Variants in USP4 observed in about 807,000 individuals in gnomAD.
USP4 encodes the protein ubiquitin carboxyl-terminal hydrolase 4.
Under a neutral mutation model 118.2 loss-of-function variants are expected in USP4, and 72 were observed. That is an observed-to-expected ratio of 0.61 (90% confidence interval 0.50 to 0.74). The LOEUF (loss-of-function observed/expected upper bound fraction) is 0.74, where lower values mean the gene tolerates loss of function less well. USP4 is among the 30% of genes least tolerant of loss of function. The pLI is 0.00. For synonymous variants in USP4, 415 were observed against 440.4 expected (o/e 0.94, Z 0.72); for missense variants, 1,037 against 1,185.7 (o/e 0.87, Z 1.84).
intron 20 of USP4, among the ~76,000 whole-genome samples, chr3:49,280,429 C>T (rs867591023): frequency 2.6e-5 from 4 of 151,764 alleles, no homozygotes; most frequent in Admixed American, 6.6e-5. Context: ...GGCGTGGTGG[C>T]GGGCGCCTGT....
At chr3:49,322,238 A>G (rs191966561) in intron 6 of USP4, among the ~76,000 whole-genome samples, 2 of 152,228 alleles carry the variant, frequency 1.3e-5, no homozygotes, top group East Asian at 3.9e-4. Flanking sequence ...CTCTGTGTCT[A>G]CCTTCTCTCA....
In USP4 at chr3:49,327,724, A is replaced by C. The variant is rs2047571878; in HGVS notation, c.322T>G (p.Tyr108Asp). 1 of 1,614,140 alleles carries C rather than the reference A, an allele frequency of 6.2e-7. No individual in the cohort carries two copies. Among genetic ancestry groups the C allele is most frequent in the Non-Finnish European group, 8.5e-7 (1 of 1,180,004 alleles). ...GGTTGCTGGCCTTCTACACAGCCGT[A>C]CCAGTTTAGTAGTTTATTCCACGCC... ...TEAWNKLLNW[Y>D]GCVEGQQPIV... Residue 108 changes from tyrosine (Y) to aspartate (D), a missense_variant, in exon 3 of 22, where the codon TAC becomes GAC. Physicochemically the swap from Tyr to Asp is radical, Grantham distance 160. This residue lies in a region of USP4 where 487 missense variants were observed against 534.1 expected (regional missense o/e 0.91). Coordinates refer to ENST00000265560, the MANE Select transcript of USP4 (RefSeq NM_003363.4).
rs34296887 is a variant in USP4, at chr3:49,295,288, CAAAAAAAAAAAA to C, written c.1692-702_1692-691del. On this transcript the variant is annotated intron_variant, in intron 13 of 21. Transcript: ENST00000265560. ...TGGGCAACAGAGCGAGACTCCATCT[CAAAAAAAAAAAA>C]AAAAAAAAAAAAAAAAAGCATTGAG... 1.3e-3 allele frequency among the ~76,000 whole-genome samples: 16 copies of C among 11,928 alleles called. 1 individual carries two copies. Among genetic ancestry groups the C allele is most frequent in the Non-Finnish European group, 2.3e-3 (13 of 5,602 alleles). The allele number at this position is 11,928 out of a possible 152,430, so 7.8% of individuals were successfully genotyped here.
chr3:49,281,597 C>A (rs1358914411), intron 19 of USP4, among the ~76,000 whole-genome samples: 1 of 150,924 alleles, frequency 6.6e-6, no homozygotes, highest in Non-Finnish European at 1.5e-5. Context: ...ACCTGTAATC[C>A]TAGCTACTTG....
rs972469700 is a variant in USP4, at chr3:49,291,061, CG to C, written c.1972+1448del. On this transcript the variant is annotated intron_variant, in intron 15 of 21. Coordinates refer to ENST00000265560, the MANE Select transcript of USP4 (RefSeq NM_003363.4). ...TTGGCTCACTGAAAGCTCTGCCTCC[CG>C]GGTTCACGCCATTCTCCTGCCTCAG... Among the ~76,000 whole-genome samples, 32 of 151,756 alleles carry C rather than the reference CG, an allele frequency of 2.1e-4. 1 individual carries two copies. The highest frequency in any genetic ancestry group is 3.1e-4 in the African/African-American group (13 of 41,434).
At position 49,294,705 on chromosome 3, in the gene USP4, C is replaced by T. The variant is rs1245726317; in HGVS notation, c.1692-107G>A. On this transcript the variant is annotated intron_variant, in intron 13 of 21. Coordinates refer to ENST00000265560, the MANE Select transcript of USP4 (RefSeq NM_003363.4). ...CAGGGCTATGATTACTGGGACAGAG[C>T]ATATTTGAGTAGAAAAGGTGGCTAT... is the stretch of plus-strand genomic sequence containing the variant. 2.8e-6 allele frequency: 3 copies of T among 1,081,418 alleles called. No individual in the cohort carries two copies. In the Admixed American group the frequency reaches 7.5e-5, roughly 27 times the overall value. The allele number at this position is 1,081,418 out of a possible 1,614,324, so 67.0% of individuals were successfully genotyped here. A position where few individuals can be genotyped will look rare whatever the true frequency, so the allele number is the denominator to read the frequency against.
chr3:49,290,180 G>A (rs545399290), intron 15 of USP4, among the ~76,000 whole-genome samples: 4 of 152,206 alleles, frequency 2.6e-5, no homozygotes, highest in Admixed American at 6.5e-5. Context: ...TTTGGAAGGC[G>A]AAGGTGAGCA....
chr3:49,302,686 A>T, intron 9 of USP4, 144 bp from the exon 10 acceptor site: 8 of 768,618 alleles, frequency 1.0e-5, no homozygotes, highest in Admixed American at 2.9e-5. Context: ...TTAACTCCTG[A>T]AGAGCCTACA....
intron 14 of USP4, among the ~76,000 whole-genome samples, chr3:49,292,894 G>C (rs904796867): frequency 3.3e-5 from 5 of 151,974 alleles, no homozygotes; most frequent in Non-Finnish European, 7.4e-5. Flanking sequence ...GCTGGGCATG[G>C]TGGCACATGC....
chr3:49,335,294 G>T (rs543074318), intron 2 of USP4, among the ~76,000 whole-genome samples, 175 bp downstream of exon 2: 38 of 152,296 alleles, frequency 2.5e-4, no homozygotes, highest in Admixed American at 2.5e-3. Context: ...AGGGAAAAAA[G>T]TAGCTTAACT....
intron 8 of USP4, among the ~76,000 whole-genome samples, chr3:49,306,482 C>G (rs533080251): frequency 7.9e-5 from 12 of 152,052 alleles, no homozygotes; most frequent in Non-Finnish European, 1.8e-4. Context: ...GGGTTACAAG[C>G]GTGAGCCACC....
intron 8 of USP4, 150 bp from the exon 9 acceptor site, chr3:49,306,038 G>T: frequency 1.3e-6 from 1 of 751,494 alleles, no homozygotes. Context: ...GTAAAGCACA[G>T]CCTCAAGGAG....
At chr3:49,281,485 T>TACACACAC (rs1381937591) in intron 19 of USP4, among the ~76,000 whole-genome samples, 1 of 106,812 alleles carries the variant, frequency 9.4e-6, no homozygotes, top group African/African-American at 3.5e-5. Context: ...TGTATATATA[T>TACACACAC]ATATATACAC....
intron 18 of USP4, 27 bp downstream of exon 18, chr3:49,284,439 C>A: frequency 6.3e-7 from 1 of 1,592,982 alleles, no homozygotes; most frequent in Non-Finnish European, 8.6e-7. Context: ...CATGGGGCCT[C>A]TGCCCAGACA....
chr3:49,310,768 A>G lies in USP4; in HGVS notation c.837-31T>C, dbSNP rs772348932. The G allele has an allele frequency of 1.9e-6, 3 of 1,553,804 alleles. No homozygotes were observed. The South Asian group carries it at 3.3e-5, about 17-fold the overall frequency. On this transcript the variant is annotated intron_variant, in intron 7 of 21. Transcript: ENST00000265560. ...AAACACAACACACATCAGCAATAAA[A>G]GCAAGTGCATAACACATGCCCTCAA...
chr3:49,293,144 G>A (rs1053058095), intron 14 of USP4, among the ~76,000 whole-genome samples: 8 of 151,590 alleles, frequency 5.3e-5, no homozygotes, highest in South Asian at 2.1e-4. Context: ...TTGGGAGGCC[G>A]AGGTGGGCAA....
At chr3:49,328,491 T>G (rs1208248328) in intron 2 of USP4, among the ~76,000 whole-genome samples, 1 of 152,146 alleles carries the variant, frequency 6.6e-6, no homozygotes, top group Admixed American at 6.6e-5. Context: ...AGACATAGAT[T>G]CCATCTCAAG....
chr3:49,277,312 A>C lies in USP4; in HGVS notation c.*981T>G. ...CCCGGACCCATACGTCCGGTTCCTT[A>C]AGGCCTTGCCCACACGCAGCGGCTG... On this transcript the variant is annotated 3_prime_UTR_variant, in exon 22 of 22. Coordinates refer to ENST00000265560, the MANE Select transcript of USP4 (RefSeq NM_003363.4). 2 of 1,153,730 alleles carry C rather than the reference A, an allele frequency of 1.7e-6. No homozygotes were observed. Among genetic ancestry groups the C allele is most frequent in the Non-Finnish European group, 2.3e-6 (2 of 872,598 alleles). The allele number at this position is 1,153,730 out of a possible 1,614,324, so 71.5% of individuals were successfully genotyped here.
intron 9 of USP4, among the ~76,000 whole-genome samples, chr3:49,303,783 TCA>T (rs752185797): frequency 6.6e-6 from 1 of 151,922 alleles, no homozygotes; most frequent in Non-Finnish European, 1.5e-5. Flanking sequence ...GGACAGGGTC[TCA>T]CTCTGTTGCC....
Sources: gnomAD v4.1 joint callset for allele counts (sites outside exome capture counted in the v4.1 genomes callset) on GRCh38, gnomAD v4.1.1 for gene constraint, gnomAD v4.1.1 regional missense constraint, MANE v1.5 for transcripts, NCBI Gene and HGNC (gene_info 2026-07-23, HGNC 2026-07-21) for gene names.